The following DENND6A variants were observed in gnomAD, a reference collection of about 807,000 sequenced individuals.
The protein encoded by DENND6A is protein DENND6A.
Under a neutral mutation model 95.5 loss-of-function variants are expected in DENND6A, and 43 were observed. The observed-to-expected ratio is 0.45, with a 90% CI of 0.35 to 0.58. The LOEUF (loss-of-function observed/expected upper bound fraction) is 0.58, where lower values mean the gene tolerates loss of function less well. Among genes scored for constraint, DENND6A ranks in the 20% least tolerant of loss-of-function variants. The pLI is 0.00. For synonymous variants in DENND6A, 257 were observed against 260.4 expected, an observed-to-expected ratio of 0.99 and a Z score of 0.13; for missense variants, 574 against 736.0, an observed-to-expected ratio of 0.78 and a Z score of 2.55.
At chr3:57,685,103 T>C (rs2077200789) in intron 1 of DENND6A, among the ~76,000 whole-genome samples, 2 of 151,746 alleles carry the variant, frequency 1.3e-5, no homozygotes, top group South Asian at 4.2e-4. Flanking sequence ...TTTGTATTTT[T>C]AGTAGAGATG....
At chr3:57,687,327 G>A (rs75257799) in intron 1 of DENND6A, among the ~76,000 whole-genome samples, 1,582 of 152,294 alleles carry the variant, frequency 0.01, 17 homozygotes, top group African/African-American at 0.036. Context: ...GAGCAAGAGC[G>A]CAACTCTTTT....
At position 57,666,163 on chromosome 3, in the gene DENND6A, A is replaced by G; in HGVS notation, c.392T>C (p.Leu131Pro). 6.2e-7 allele frequency: 1 copy of G among 1,614,048 alleles called. No individual in the cohort carries two copies. Among genetic ancestry groups the G allele is most frequent in the Non-Finnish European group, 8.5e-7 (1 of 1,179,908 alleles). The change falls in exon 4 of 20, where the codon CTC becomes CCC. Residue 131 changes from leucine (L) to proline (P), a missense_variant. This residue lies in a region of DENND6A where 452 missense variants were observed against 630.9 expected (regional missense o/e 0.72). Transcript: ENST00000311128. ...SSGRRVSLHCLLDQFDKDLPV... is the reference protein window; with the variant it reads ...SSGRRVSLHCPLDQFDKDLPV... ...TAAATCTTTGTCAAATTGATCCAGG[A>G]GACAATGCAGCGACACCCTCCTCCC...
chr3:57,632,471 C>G (rs1260088868), intron 15 of DENND6A, among the ~76,000 whole-genome samples: 1 of 152,008 alleles, frequency 6.6e-6, no homozygotes, highest in Admixed American at 6.6e-5. Flanking sequence ...GCCACTGTGC[C>G]CAGCCTAGTC....
chr3:57,653,433 A>T (rs1332128642), intron 9 of DENND6A, among the ~76,000 whole-genome samples: 1 of 152,152 alleles, frequency 6.6e-6, no homozygotes, highest in African/African-American at 2.4e-5. Flanking sequence ...AGGAAAGGAA[A>T]CTTCTCTCGA....
At chr3:57,649,993 C>T (rs747090550) in intron 9 of DENND6A, among the ~76,000 whole-genome samples, 3 of 151,814 alleles carry the variant, frequency 2.0e-5, no homozygotes, top group South Asian at 2.1e-4. Context: ...GCATTCAGAG[C>T]GCCCTAGATG....
At chr3:57,628,756 G>A in intron 19 of DENND6A, 55 bp downstream of exon 19, 1 of 1,551,278 alleles carries the variant, frequency 6.4e-7, no homozygotes, top group South Asian at 1.2e-5. Flanking sequence ...TCACATGAGA[G>A]GACAATGTCT....
At chr3:57,629,179 G>A (rs1158674777) in intron 18 of DENND6A, among the ~76,000 whole-genome samples, 1 of 152,194 alleles carries the variant, frequency 6.6e-6, no homozygotes, top group Non-Finnish European at 1.5e-5. Flanking sequence ...AACTGTAACA[G>A]TAACCCCCAC....
intron 1 of DENND6A, among the ~76,000 whole-genome samples, chr3:57,674,700 G>C (rs1559828091): frequency 1.3e-5 from 2 of 152,068 alleles, no homozygotes; most frequent in Admixed American, 6.6e-5. Context: ...ATTCACAATA[G>C]CAAAGCCATT....
chr3:57,646,528 G>A, intron 9 of DENND6A, 90 bp from the exon 10 acceptor site: 2 of 1,449,596 alleles, frequency 1.4e-6, no homozygotes, highest in South Asian at 2.9e-5. Context: ...ACTCCACATT[G>A]ATATAAATTC....
At chr3:57,628,430 G>A in intron 19 of DENND6A, 85 bp from the exon 20 acceptor site, 1 of 1,482,044 alleles carries the variant, frequency 6.7e-7, no homozygotes, top group Non-Finnish European at 9.0e-7. Context: ...CCATTTTAAA[G>A]GTCTAACAAT....
chr3:57,630,997 T>C lies in DENND6A; in HGVS notation c.1354-19A>G, dbSNP rs760081423. On this transcript the variant is annotated intron_variant, in intron 15 of 19. Coordinates refer to ENST00000311128, the MANE Select transcript of DENND6A (RefSeq NM_152678.3). ...ATCTTTCCTAAAACCAAGAAAAAAG[T>C]TAATAAAAGGAGTGTCTTCAAAAAT... is the stretch of plus-strand genomic sequence containing the variant. 1.2e-6 allele frequency: 2 copies of C among 1,607,598 alleles called. No individual in the cohort carries two copies. The highest frequency in any genetic ancestry group is 1.7e-6 in the Non-Finnish European group (2 of 1,178,350).
chr3:57,669,891 A>T (rs1575854236), intron 3 of DENND6A, among the ~76,000 whole-genome samples: 1 of 150,358 alleles, frequency 6.7e-6, no homozygotes, highest in East Asian at 2.0e-4. Flanking sequence ...GCATGGTGGC[A>T]GGCAAAGGTG....
chr3:57,671,823 T>C (rs2071622806), intron 3 of DENND6A, among the ~76,000 whole-genome samples: 1 of 152,214 alleles, frequency 6.6e-6, no homozygotes, highest in Admixed American at 6.5e-5. Context: ...TTAACCCATA[T>C]AAACTACTGC....
chr3:57,630,279 G>T, intron 18 of DENND6A, 142 bp downstream of exon 18: 3 of 658,038 alleles, frequency 4.6e-6, no homozygotes, highest in Non-Finnish European at 7.3e-6. Flanking sequence ...AATGTCCTTG[G>T]CACATAGCAC....
At chr3:57,661,420 T>C in intron 6 of DENND6A, 26 bp downstream of exon 6, 1 of 1,473,072 alleles carries the variant, frequency 6.8e-7, no homozygotes, top group African/African-American at 1.5e-5. Context: ...TTAAAACTCC[T>C]GCATAAAGGT....
Position 57,680,872 on chromosome 3 carries a change from G to A in DENND6A, c.238-8434C>T, listed in dbSNP as rs1010926759. On this transcript the variant is annotated intron_variant, in intron 1 of 19. Transcript: ENST00000311128. ...AATAAGACATGGCTCATACCTACTAGGACAGCTGTAATCAAAAGGAGAGAC... is the reference window on the plus strand; with the variant it reads ...AATAAGACATGGCTCATACCTACTAAGACAGCTGTAATCAAAAGGAGAGAC... 6.6e-5 allele frequency among the ~76,000 whole-genome samples: 10 copies of A among 152,054 alleles called. No homozygotes were observed. In the East Asian group the frequency reaches 1.9e-3, roughly 29 times the overall value.
chr3:57,676,480 A>G (rs1212463120), intron 1 of DENND6A, among the ~76,000 whole-genome samples: 2 of 151,918 alleles, frequency 1.3e-5, no homozygotes, highest in Non-Finnish European at 2.9e-5. Context: ...TTCCAAAAGC[A>G]TGGCACACAT....
At chr3:57,674,935 G>A (rs905354783) in intron 1 of DENND6A, among the ~76,000 whole-genome samples, 14 of 152,132 alleles carry the variant, frequency 9.2e-5, no homozygotes, top group African/African-American at 3.4e-4. Context: ...GAGACCTTAT[G>A]AACACAAAGA....
At chr3:57,683,394 T>C (rs2077183396) in intron 1 of DENND6A, among the ~76,000 whole-genome samples, 1 of 152,206 alleles carries the variant, frequency 6.6e-6, no homozygotes, top group Non-Finnish European at 1.5e-5. Flanking sequence ...TATTATCATC[T>C]CACTTCATCT....
Sources: allele counts gnomAD v4.1 joint callset (sites outside exome capture counted in the v4.1 genomes callset), GRCh38; gene constraint gnomAD v4.1.1; regional missense constraint gnomAD v4.1.1; transcripts MANE v1.5; gene names NCBI Gene and HGNC (gene_info 2026-07-23, HGNC 2026-07-21).